MYOM1: variants seen among roughly 807,000 people sequenced by gnomAD.
MYOM1 encodes the protein myomesin-1.
A neutral mutation model predicts 205.3 loss-of-function variants in MYOM1; 164 were observed. The ratio of observed to expected loss-of-function variants is 0.80; its 90% CI spans 0.70 to 0.91. MYOM1 has a LOEUF of 0.91. MYOM1 is among the 40% of genes least tolerant of loss of function. The pLI, the probability that MYOM1 is intolerant of heterozygous loss-of-function variation, is 0.00. For missense variants in MYOM1, 2,011 were observed against 2,127.3 expected (o/e 0.95, Z 1.08); for synonymous variants, 772 against 789.4 (o/e 0.98, Z 0.37).
Position 3,208,113 on chromosome 18 carries a change from GCTCT to G in MYOM1, c.290+6817_290+6820del, listed in dbSNP as rs926954434. 2.0e-5 allele frequency among the ~76,000 whole-genome samples: 3 copies of G among 152,314 alleles called. No homozygotes were observed. The East Asian group carries it at 5.8e-4, about 29-fold the overall frequency. ...GTTGTTACCAGGAGTGAGAATCCTA[GCTCT>G]CTCTCCCTGTGTTTACAGCTGAGGA... On this transcript the variant is annotated intron_variant, in intron 2 of 37. Coordinates refer to ENST00000356443, the MANE Select transcript of MYOM1 (RefSeq NM_003803.4).
At chr18:3,200,585 C>T (rs74911690) in intron 2 of MYOM1, among the ~76,000 whole-genome samples, 1,998 of 151,978 alleles carry the variant, frequency 0.013, 44 homozygotes, top group African/African-American at 0.045. Context: ...TTAAAAAGTA[C>T]GATAACAAAT....
intron 34 of MYOM1, 150 bp from the exon 35 acceptor site, chr18:3,075,911 C>T (rs936132834): frequency 1.5e-6 from 1 of 688,940 alleles, no homozygotes; most frequent in Non-Finnish European, 2.5e-6. Context: ...GTTCACTCCA[C>T]AGCTTAATGT....
intron 2 of MYOM1, among the ~76,000 whole-genome samples, chr18:3,210,741 A>G (rs936348877): frequency 2.6e-5 from 4 of 152,146 alleles, no homozygotes; most frequent in African/African-American, 9.7e-5. Flanking sequence ...GTGGTGTATG[A>G]TCAAGGGGAG....
At chr18:3,191,765 A>G (rs1354376297) in intron 3 of MYOM1, among the ~76,000 whole-genome samples, 1 of 150,384 alleles carries the variant, frequency 6.6e-6, no homozygotes, top group Non-Finnish European at 1.5e-5. Flanking sequence ...GCGTGATCTC[A>G]GCTCACTGCA....
intron 10 of MYOM1, 137 bp downstream of exon 10, chr18:3,164,141 G>A: frequency 1.1e-6 from 1 of 925,510 alleles, no homozygotes; most frequent in Non-Finnish European, 1.6e-6. Context: ...ACAGGCGTGA[G>A]ACATTGCACC....
chr18:3,067,114 G>A lies in MYOM1; in HGVS notation c.*148C>T, dbSNP rs1396691579. On this transcript the variant is annotated 3_prime_UTR_variant, in exon 38 of 38. Transcript: ENST00000356443. ...AACAATTAAAGTGTCATTAGTTGGT[G>A]CTTTTTTATATGAGTGAAAGACCTG... The A allele has an allele frequency of 8.5e-6, 7 of 824,030 alleles. No homozygotes were observed. The highest frequency in any genetic ancestry group is 5.2e-5 in the African/African-American group (3 of 57,578). 51.0% of individuals were successfully genotyped at this position (824,030 alleles called of 1,614,324 possible).
At chr18:3,079,400 CT>C in intron 33 of MYOM1, 58 bp from the exon 34 acceptor site, 1 of 1,506,660 alleles carries the variant, frequency 6.6e-7, no homozygotes, top group Non-Finnish European at 8.9e-7. Context: ...CTGATCTTTA[CT>C]TTGTCTCTCA....
At position 3,179,555 on chromosome 18, in the gene MYOM1, TG is replaced by T. The variant is rs982883534; in HGVS notation, c.930-3422del. On this transcript the variant is annotated intron_variant, in intron 5 of 37. Coordinates refer to ENST00000356443, the MANE Select transcript of MYOM1 (RefSeq NM_003803.4). This position sits in a 1 kb window ranked among gnomAD's most constrained non-coding sequence, Gnocchi z 4.4. Reference sequence around the variant, plus strand: ...GTGGGACTGGCTTAAGAATCGCAGCTGTGTGGCAGGTGCAGCAACATAACCT... The same window carrying T: ...GTGGGACTGGCTTAAGAATCGCAGCTTGTGGCAGGTGCAGCAACATAACCT... 5.0e-4 allele frequency among the ~76,000 whole-genome samples: 76 copies of T among 152,178 alleles called. No individual in the cohort carries two copies. The highest frequency in any genetic ancestry group is 1.7e-3 in the African/African-American group (72 of 41,440).
chr18:3,127,433 C>G (rs2079811360), intron 18 of MYOM1, among the ~76,000 whole-genome samples: 1 of 150,966 alleles, frequency 6.6e-6, no homozygotes, highest in South Asian at 2.1e-4. Flanking sequence ...CTCAGCCTCC[C>G]AAGTAGTTGG....
At chr18:3,173,143 C>T (rs1447327200) in intron 8 of MYOM1, among the ~76,000 whole-genome samples, 1 of 152,166 alleles carries the variant, frequency 6.6e-6, no homozygotes, top group Non-Finnish European at 1.5e-5. Flanking sequence ...AAAGATTTTA[C>T]TTTTATTGCT....
intron 22 of MYOM1, among the ~76,000 whole-genome samples, chr18:3,107,307 G>C (rs12960456): frequency 0.2 from 29,754 of 151,924 alleles, 3,020 homozygotes; most frequent in East Asian, 0.2. Flanking sequence ...TTAGTAGAGA[G>C]GGGGTTTCAC....
At chr18:3,155,116 A>G (rs776805446) in intron 10 of MYOM1, 28 bp from the exon 11 acceptor site, 7 of 1,583,812 alleles carry the variant, frequency 4.4e-6, no homozygotes, top group Non-Finnish European at 6.0e-6. Context: ...GATCCCATTA[A>G]CCCTCTCAGA....
chr18:3,158,826 C>A (rs184193531), intron 10 of MYOM1, among the ~76,000 whole-genome samples: 1 of 152,230 alleles, frequency 6.6e-6, no homozygotes. Flanking sequence ...GTTGCCCAGG[C>A]TGGTCTTGAA....
At chr18:3,093,199 A>G (rs962830689) in intron 26 of MYOM1, among the ~76,000 whole-genome samples, 2 of 152,210 alleles carry the variant, frequency 1.3e-5, no homozygotes, top group Non-Finnish European at 2.9e-5. Flanking sequence ...CAAATGTTTT[A>G]AAAATACATC....
In MYOM1 at chr18:3,177,442, TATC is replaced by T. The variant is rs985456634; in HGVS notation, c.930-1311_930-1309del. Among the ~76,000 whole-genome samples the T allele has an allele frequency of 2.0e-3, 246 of 124,984 alleles. 1 individual carries two copies. The highest frequency in any genetic ancestry group is 7.3e-3 in the African/African-American group (226 of 30,958). The allele number at this position is 124,984 out of a possible 152,430, so 82.0% of individuals were successfully genotyped here. ...CATTCTTGCATGTTGTTAGAAGCAA[TATC>T]ATTATTATTATTATTATTATTATTA... On this transcript the variant is annotated intron_variant, in intron 5 of 37. Transcript: ENST00000356443.
In MYOM1 at chr18:3,148,844, C is replaced by CAA. The variant is rs71159049; in HGVS notation, c.1900+299_1900+300dup. Among the ~76,000 whole-genome samples, 82 of 47,944 alleles carry CAA rather than the reference C, an allele frequency of 1.7e-3. 3 individuals carry two copies. The highest frequency in any genetic ancestry group is 0.019 in the Middle Eastern group (1 of 52). The allele number at this position is 47,944 out of a possible 152,430, so 31.5% of individuals were successfully genotyped here. ...CTGGGCGACAGAGCGAGACTCCATC[C>CAA]AAAAAAAAAAAAAAAAAAAAAAAAA... On this transcript the variant is annotated intron_variant, in intron 13 of 37. Transcript: ENST00000356443.
In MYOM1 at chr18:3,083,999, G is replaced by C; in HGVS notation, c.4368C>G (p.Cys1456Trp). The stretch of plus-strand genomic sequence containing the variant: ...AAATGTTTGACTCACCTATTTTTTT[G>C]CATACTTCCATCATCAGTTCCTTAA... ...EAFKELMMEVCKKIALSATDL... is the reference protein window; with the variant it reads ...EAFKELMMEVWKKIALSATDL... The change falls in exon 32 of 38, where the codon TGC (cysteine) becomes TGG (tryptophan). Residue 1456 changes from cysteine (C) to tryptophan (W), a missense_variant. Cys to Trp is a radical substitution (Grantham distance 215). Transcript: ENST00000356443. The C allele has an allele frequency of 6.3e-7, 1 of 1,587,500 alleles. No individual in the cohort carries two copies. The highest frequency in any genetic ancestry group is 1.1e-5 in the South Asian group (1 of 87,054).
chr18:3,102,013 T>A, intron 23 of MYOM1, among the ~76,000 whole-genome samples: 1 of 140,352 alleles, frequency 7.1e-6, no homozygotes, highest in Non-Finnish European at 1.5e-5. Flanking sequence ...TTTTTTTTTT[T>A]TTTTTTGAGA....
chr18:3,121,337 T>C (rs747893057), intron 19 of MYOM1, among the ~76,000 whole-genome samples: 33 of 152,268 alleles, frequency 2.2e-4, no homozygotes, highest in Non-Finnish European at 1.3e-4. Context: ...TCTAGACCTA[T>C]AGTATTTTAA....
Sources: allele counts gnomAD v4.1 joint callset (sites outside exome capture counted in the v4.1 genomes callset), GRCh38; gene constraint gnomAD v4.1.1; non-coding constraint Gnocchi (gnomAD v3.1); transcripts MANE v1.5; gene names NCBI Gene and HGNC (gene_info 2026-07-23, HGNC 2026-07-21).